Variants in CNTN1 observed in about 807,000 individuals in gnomAD.
CNTN1 encodes contactin-1.
In CNTN1, 38 loss-of-function variants were observed where a neutral mutation model predicts 126.4. That is an observed-to-expected ratio of 0.30 (90% CI 0.23 to 0.39). The LOEUF (loss-of-function observed/expected upper bound fraction) is 0.39. Among genes scored for constraint, CNTN1 ranks in the 10% least tolerant of loss-of-function variants. CNTN1 has a pLI of 1.00. For synonymous variants in CNTN1, 413 were observed against 422.6 expected, an observed-to-expected ratio of 0.98 and a Z score of 0.28; for missense variants, 1,009 against 1,248.4, an observed-to-expected ratio of 0.81 and a Z score of 2.89.
chr12:40,922,766 A>G (rs1945492751), intron 5 of CNTN1, among the ~76,000 whole-genome samples: 1 of 151,906 alleles, frequency 6.6e-6, no homozygotes, highest in Non-Finnish European at 1.5e-5. Flanking sequence ...AGGTCAGGAG[A>G]TCGAGACCAT....
intron 1 of CNTN1, among the ~76,000 whole-genome samples, chr12:40,817,949 T>C (rs1941311971): frequency 6.6e-6 from 1 of 152,182 alleles, no homozygotes; most frequent in Non-Finnish European, 1.5e-5. Flanking sequence ...GGATATGAAA[T>C]TCTGGGTTGA....
In CNTN1 at chr12:40,700,669, G is replaced by A. The variant is rs181600495; in HGVS notation, c.-77+8077G>A. On this transcript the variant is annotated intron_variant, in intron 1 of 23. Coordinates refer to ENST00000551295, the MANE Select transcript of CNTN1 (RefSeq NM_001843.4). ...GGTCAAATGCATTTTTTAGGAAATA[G>A]CACAAGTGATGAAAAAGAAATTTAT... Among the ~76,000 whole-genome samples the A allele has an allele frequency of 5.0e-3, 754 of 152,106 alleles. 18 individuals carry two copies. Among genetic ancestry groups the A allele is most frequent in the Non-Finnish European group, 1.7e-3 (115 of 67,988 alleles).
At chr12:40,785,301 C>T (rs1939969148) in intron 1 of CNTN1, among the ~76,000 whole-genome samples, 1 of 152,068 alleles carries the variant, frequency 6.6e-6, no homozygotes, top group African/African-American at 2.4e-5. Context: ...AGCATCTCCT[C>T]AGTTTCTGGT....
At position 41,072,256 on chromosome 12, in the gene CNTN1, G is replaced by C. The variant is rs913335104; in HGVS notation, c.*2221G>C. The C allele has an allele frequency of 2.6e-5, 4 of 152,074 alleles. No individual in the cohort carries two copies. The highest frequency in any genetic ancestry group is 5.9e-5 in the Non-Finnish European group (4 of 67,992). 9.4% of individuals were successfully genotyped at this position (152,074 alleles called of 1,614,324 possible). Reference sequence around the variant, plus strand: ...TGTTGTTTCTTTGTATTTCAGGAAAGGTGATAGTAGTTTTATTTGATACTG... The same window carrying C: ...TGTTGTTTCTTTGTATTTCAGGAAACGTGATAGTAGTTTTATTTGATACTG... On this transcript the variant is annotated 3_prime_UTR_variant, in exon 24 of 24. Coordinates refer to ENST00000551295, the MANE Select transcript of CNTN1 (RefSeq NM_001843.4).
intron 2 of CNTN1, among the ~76,000 whole-genome samples, chr12:40,909,549 G>A (rs1173964456): frequency 7.3e-5 from 11 of 151,166 alleles, no homozygotes; most frequent in Admixed American, 6.6e-5. Flanking sequence ...TAATCTGACG[G>A]GCATCATTAT....
intron 23 of CNTN1, among the ~76,000 whole-genome samples, chr12:41,030,687 C>A (rs1949129010): frequency 1.3e-5 from 2 of 151,890 alleles, no homozygotes; most frequent in African/African-American, 4.8e-5. Flanking sequence ...ATAAATTAAT[C>A]TTTCTTCTGG....
chr12:40,720,530 T>C (rs933688900), intron 1 of CNTN1, among the ~76,000 whole-genome samples: 1 of 152,188 alleles, frequency 6.6e-6, no homozygotes, highest in Non-Finnish European at 1.5e-5. Flanking sequence ...TTTTGAGAAG[T>C]GAATTGTATT....
intron 1 of CNTN1, among the ~76,000 whole-genome samples, chr12:40,722,925 T>G (rs1227285146): frequency 1.3e-5 from 2 of 152,078 alleles, no homozygotes; most frequent in Non-Finnish European, 2.9e-5. Flanking sequence ...GAAAGGTGTT[T>G]TGAAGATAGA....
At chr12:41,065,053 ATTTTATTT>A (rs1950020110) in intron 23 of CNTN1, among the ~76,000 whole-genome samples, 1 of 151,690 alleles carries the variant, frequency 6.6e-6, no homozygotes, top group Admixed American at 6.6e-5. Flanking sequence ...TGCTTGCTTT[ATTTTATTT>A]TTTTATTTTT....
At chr12:41,041,492 A>G (rs1248946886) in intron 23 of CNTN1, among the ~76,000 whole-genome samples, 3 of 152,126 alleles carry the variant, frequency 2.0e-5, no homozygotes, top group Admixed American at 6.6e-5. Context: ...AAGGAATGGT[A>G]TCAGTTTCTC....
At chr12:41,004,288 G>T (rs752547165) in intron 17 of CNTN1, among the ~76,000 whole-genome samples, 12 of 152,080 alleles carry the variant, frequency 7.9e-5, no homozygotes, top group Non-Finnish European at 1.2e-4. Flanking sequence ...ATTTGATTTT[G>T]CTGTGGTCCA....
intron 1 of CNTN1, among the ~76,000 whole-genome samples, chr12:40,716,107 T>C (rs1942039243): frequency 6.6e-6 from 1 of 151,966 alleles, no homozygotes; most frequent in African/African-American, 2.4e-5. Flanking sequence ...TTAAAAAAAA[T>C]CTAAGGAAAG....
chr12:40,997,890 T>C (rs1453039192), intron 17 of CNTN1, among the ~76,000 whole-genome samples: 2 of 152,226 alleles, frequency 1.3e-5, no homozygotes, highest in African/African-American at 4.8e-5. Flanking sequence ...ATTTATTTTT[T>C]ACCACTATGA....
chr12:41,013,067 C>A (rs537040766), intron 17 of CNTN1, among the ~76,000 whole-genome samples: 1 of 151,988 alleles, frequency 6.6e-6, no homozygotes, highest in African/African-American at 2.4e-5. Context: ...GCGTTGAATG[C>A]GCTGGATTTT....
chr12:41,040,339 G>C (rs1949370503), intron 23 of CNTN1, among the ~76,000 whole-genome samples: 1 of 152,120 alleles, frequency 6.6e-6, no homozygotes, highest in Non-Finnish European at 1.5e-5. Flanking sequence ...AAAATATGAA[G>C]AGTATTAGCA....
intron 1 of CNTN1, among the ~76,000 whole-genome samples, chr12:40,754,244 A>G (rs1938514535): frequency 6.6e-6 from 1 of 152,112 alleles, no homozygotes; most frequent in Non-Finnish European, 1.5e-5. Flanking sequence ...CCTTTCATAT[A>G]CTACTGGCTA....
chr12:40,821,701 T>C (rs1941445458), intron 1 of CNTN1, among the ~76,000 whole-genome samples: 1 of 152,144 alleles, frequency 6.6e-6, no homozygotes, highest in Non-Finnish European at 1.5e-5. Context: ...TTTTGAAACA[T>C]GTTAGGATAC....
intron 1 of CNTN1, among the ~76,000 whole-genome samples, chr12:40,770,145 T>C (rs1031065244): frequency 6.6e-6 from 1 of 152,160 alleles, no homozygotes; most frequent in Non-Finnish European, 1.5e-5. Flanking sequence ...AATCCCTCTT[T>C]ATAAAGCAAT....
At chr12:40,769,049 C>T (rs1469701423) in intron 1 of CNTN1, among the ~76,000 whole-genome samples, 1 of 152,056 alleles carries the variant, frequency 6.6e-6, no homozygotes, top group Non-Finnish European at 1.5e-5. Context: ...AAAGCAGGGT[C>T]TACAGAAGGT....
Sources: allele counts gnomAD v4.1 joint callset (sites outside exome capture counted in the v4.1 genomes callset), GRCh38; gene constraint gnomAD v4.1.1; transcripts MANE v1.5; gene names NCBI Gene and HGNC (gene_info 2026-07-23, HGNC 2026-07-21).